The following DENND6A variants were observed in gnomAD, a reference collection of about 807,000 sequenced individuals.
DENND6A encodes DENN domain containing 6A, also known as protein DENND6A.
Under a neutral mutation model 95.5 loss-of-function variants are expected in DENND6A, and 43 were observed. The observed-to-expected ratio is 0.45, with a 90% CI of 0.35 to 0.58. The LOEUF (loss-of-function observed/expected upper bound fraction) is 0.58, where lower values mean the gene tolerates loss of function less well. Among genes scored for constraint, DENND6A ranks in the 20% least tolerant of loss-of-function variants. DENND6A has a pLI of 0.00. For missense variants in DENND6A, 574 were observed against 736.0 expected (o/e 0.78, Z 2.55); for synonymous variants, 257 against 260.4 (o/e 0.99, Z 0.13).
At chr3:57,649,098 C>T (rs1008111760) in intron 9 of DENND6A, among the ~76,000 whole-genome samples, 3 of 152,130 alleles carry the variant, frequency 2.0e-5, no homozygotes, top group Non-Finnish European at 1.5e-5. Context: ...AAAATCTTCA[C>T]AATCTATACA....
chr3:57,634,657 C>T, intron 13 of DENND6A, 35 bp from the exon 14 acceptor site: 2 of 1,490,418 alleles, frequency 1.3e-6, no homozygotes, highest in Middle Eastern at 1.9e-4. Flanking sequence ...ACAAAAAAAC[C>T]CAAGTACCAT....
intron 1 of DENND6A, among the ~76,000 whole-genome samples, chr3:57,678,820 C>T (rs2153416972): frequency 6.6e-6 from 1 of 152,348 alleles, no homozygotes; most frequent in South Asian, 2.1e-4. Flanking sequence ...TTATTTAAGA[C>T]ATGCAGGCCA....
intron 3 of DENND6A, among the ~76,000 whole-genome samples, chr3:57,671,552 C>T (rs554217350): frequency 5.8e-4 from 88 of 151,670 alleles, no homozygotes; most frequent in African/African-American, 2.1e-3. Flanking sequence ...AGGAAGTAAC[C>T]ACAAAAGGAA....
chr3:57,670,287 G>A (rs896889865), intron 3 of DENND6A, among the ~76,000 whole-genome samples: 1 of 152,116 alleles, frequency 6.6e-6, no homozygotes, highest in African/African-American at 2.4e-5. Flanking sequence ...GCATACAAAG[G>A]CTTCAGAGAA....
intron 1 of DENND6A, among the ~76,000 whole-genome samples, chr3:57,690,831 T>G (rs1198833973): frequency 6.6e-6 from 1 of 152,174 alleles, no homozygotes; most frequent in Non-Finnish European, 1.5e-5. Context: ...CCTACTAGGT[T>G]TATGTCTTAA....
intron 3 of DENND6A, 128 bp from the exon 4 acceptor site, chr3:57,666,363 A>T (rs2071524563): frequency 1.3e-6 from 1 of 762,528 alleles, no homozygotes; most frequent in African/African-American, 1.8e-5. Context: ...TTGGAGGAAA[A>T]AAAGAAAATC....
At chr3:57,680,002 A>G (rs1245457350) in intron 1 of DENND6A, among the ~76,000 whole-genome samples, 1 of 152,234 alleles carries the variant, frequency 6.6e-6, no homozygotes, top group Non-Finnish European at 1.5e-5. Flanking sequence ...CAGCAGCAGC[A>G]GTGGGAACAA....
At chr3:57,633,587 C>G (rs904709850) in intron 14 of DENND6A, among the ~76,000 whole-genome samples, 1 of 152,042 alleles carries the variant, frequency 6.6e-6, no homozygotes, top group Non-Finnish European at 1.5e-5. Flanking sequence ...TCATCCCATA[C>G]TGTGAAAATG....
chr3:57,680,189 C>T (rs181145377), intron 1 of DENND6A, among the ~76,000 whole-genome samples: 5 of 152,310 alleles, frequency 3.3e-5, no homozygotes, highest in Admixed American at 2.0e-4. Context: ...ATCTATATAA[C>T]TCTTGGAAGA....
chr3:57,661,118 TC>T (rs1457826189), intron 6 of DENND6A, among the ~76,000 whole-genome samples: 1 of 152,198 alleles, frequency 6.6e-6, no homozygotes, highest in African/African-American at 2.4e-5. Flanking sequence ...CAAAAGCACA[TC>T]AACTGGCAAA....
Position 57,634,555 on chromosome 3 carries a change from T to G in DENND6A, c.1263+3A>C. ...TAAATTAATAATATGAGCAACTAAT[T>G]ACCTTCTGTAATTGTTTTATGATCT... On this transcript the variant is annotated splice_donor_region_variant and intron_variant, in intron 14 of 19. Coordinates refer to ENST00000311128, the MANE Select transcript of DENND6A (RefSeq NM_152678.3). 1 of 1,357,542 alleles carries G rather than the reference T, an allele frequency of 7.4e-7. No individual in the cohort carries two copies. Among genetic ancestry groups the G allele is most frequent in the Non-Finnish European group, 9.8e-7 (1 of 1,016,320 alleles). The allele number at this position is 1,357,542 out of a possible 1,614,324, so 84.1% of individuals were successfully genotyped here.
chr3:57,635,337 C>T (rs926782408), intron 12 of DENND6A, among the ~76,000 whole-genome samples: 3 of 152,102 alleles, frequency 2.0e-5, no homozygotes, highest in Non-Finnish European at 4.4e-5. Flanking sequence ...GGACAGGACT[C>T]CTGAGCAGGC....
chr3:57,661,295 C>T, intron 6 of DENND6A, 151 bp downstream of exon 6: 1 of 577,846 alleles, frequency 1.7e-6, no homozygotes, highest in Non-Finnish European at 2.8e-6. Flanking sequence ...GGTACAGATG[C>T]CAGAAAAATA....
Position 57,692,947 on chromosome 3 carries a change from G to C in DENND6A, c.72C>G (p.Ala24=). 6.4e-7 allele frequency: 1 copy of C among 1,550,884 alleles called. No individual in the cohort carries two copies. The highest frequency in any genetic ancestry group is 8.7e-7 in the Non-Finnish European group (1 of 1,155,916). The change falls in exon 1 of 20, where the codon GCC becomes GCG. Residue 24 remains alanine, a synonymous_variant. Coordinates refer to ENST00000311128, the MANE Select transcript of DENND6A (RefSeq NM_152678.3). ...CAAGGGCCGGCGCCTCGCGGCCCTC[G>C]GCCCCTGCCACCGCTTCGTCCAACG... ...RRPLDEAVAG[A]EGREAPALVA...
chr3:57,692,905 C>T lies in DENND6A; in HGVS notation c.114G>A (p.Ala38=), dbSNP rs745858821. ...EAPALVAAGG[A]PEDDEEDDGR... is the part of the protein sequence containing the mutation. ...CATCGTCCTCTTCATCGTCCTCTGG[C>T]GCGCCTCCCGCCGCCACAAGGGCCG... is the stretch of plus-strand genomic sequence containing the variant. Residue 38 remains alanine, a synonymous_variant, in exon 1 of 20, where the codon GCG becomes GCA. Coordinates refer to ENST00000311128, the MANE Select transcript of DENND6A (RefSeq NM_152678.3). 2.5e-5 allele frequency: 39 copies of T among 1,556,996 alleles called. No homozygotes were observed. The South Asian group carries it at 4.1e-4, about 16-fold the overall frequency.
chr3:57,682,139 T>C (rs886692981), intron 1 of DENND6A, among the ~76,000 whole-genome samples: 3 of 152,048 alleles, frequency 2.0e-5, no homozygotes, highest in Non-Finnish European at 2.9e-5. Context: ...AGAAAAATTA[T>C]GTATGTACTT....
At chr3:57,679,919 A>G (rs960251893) in intron 1 of DENND6A, among the ~76,000 whole-genome samples, 2 of 152,200 alleles carry the variant, frequency 1.3e-5, no homozygotes, top group Non-Finnish European at 2.9e-5. Context: ...GAAAAGCGAG[A>G]TATAGAGATG....
rs1199374452 is a variant in DENND6A, at chr3:57,626,187, A to G, written c.*2027T>C. ...CTCTATGACTTTGAGGTATGCTTCAAGAGACTGTATCCATAAGAACAGGGC... is the reference window on the plus strand; with the variant it reads ...CTCTATGACTTTGAGGTATGCTTCAGGAGACTGTATCCATAAGAACAGGGC... On this transcript the variant is annotated 3_prime_UTR_variant, in exon 20 of 20. Transcript: ENST00000311128. 6.6e-6 allele frequency: 1 copy of G among 152,630 alleles called. No homozygotes were observed. Among genetic ancestry groups the G allele is most frequent in the Non-Finnish European group, 1.5e-5 (1 of 68,028 alleles). The allele number at this position is 152,630 out of a possible 1,614,324, so 9.5% of individuals were successfully genotyped here.
intron 12 of DENND6A, among the ~76,000 whole-genome samples, chr3:57,639,975 A>C (rs377096180): frequency 9.8e-5 from 15 of 152,296 alleles, no homozygotes; most frequent in African/African-American, 3.6e-4. Context: ...AACAAGTTTT[A>C]AAAGTAGTGG....
Sources: allele counts gnomAD v4.1 joint callset (sites outside exome capture counted in the v4.1 genomes callset), GRCh38; gene constraint gnomAD v4.1.1; transcripts MANE v1.5; gene names NCBI Gene and HGNC (gene_info 2026-07-23, HGNC 2026-07-21).